GLIS1: variants seen among roughly 807,000 people sequenced by gnomAD.
GLIS1 encodes GLIS family zinc finger 1.
GLIS1 carries 24 observed loss-of-function variants against 63.8 expected under a neutral mutation model. The ratio of observed to expected loss-of-function variants is 0.38; its 90% CI spans 0.27 to 0.53. The LOEUF is 0.53. Among genes scored for constraint, GLIS1 ranks in the 20% least tolerant of loss-of-function variants. GLIS1 has a pLI of 0.85. For synonymous variants in GLIS1, 450 were observed against 482.5 expected, an observed-to-expected ratio of 0.93 and a Z score of 0.88; for missense variants, 1,036 against 1,074.1, an observed-to-expected ratio of 0.96 and a Z score of 0.50.
At chr1:53,571,304 G>A (rs1267460767) in intron 4 of GLIS1, among the ~76,000 whole-genome samples, 3 of 152,172 alleles carry the variant, frequency 2.0e-5, no homozygotes, top group East Asian at 3.8e-4. Context: ...GAGTATAAGC[G>A]GAACAACCAC....
chr1:53,581,106 A>C (rs1157233072), intron 4 of GLIS1, among the ~76,000 whole-genome samples: 1 of 152,202 alleles, frequency 6.6e-6, no homozygotes, highest in South Asian at 2.1e-4. Flanking sequence ...TTCCTGTCTG[A>C]ATCTGACATT....
intron 2 of GLIS1, among the ~76,000 whole-genome samples, chr1:53,607,180 T>C (rs1164759134): frequency 6.6e-6 from 1 of 152,362 alleles, no homozygotes; most frequent in East Asian, 1.9e-4. Flanking sequence ...GAAAGCACCA[T>C]CACAGACATG....
intron 2 of GLIS1, among the ~76,000 whole-genome samples, chr1:53,651,596 C>T (rs1645907984): frequency 6.6e-6 from 1 of 152,174 alleles, no homozygotes. Flanking sequence ...CAGCTGAGGC[C>T]AGGCACAGTG....
intron 7 of GLIS1, among the ~76,000 whole-genome samples, chr1:53,515,465 G>A (rs74086342): frequency 0.024 from 3,651 of 152,088 alleles, 129 homozygotes; most frequent in African/African-American, 0.074. Context: ...TTGCATGGGC[G>A]GTACACTGAA....
chr1:53,554,504 T>C (rs529611817), intron 4 of GLIS1, among the ~76,000 whole-genome samples: 21 of 152,316 alleles, frequency 1.4e-4, no homozygotes, highest in African/African-American at 4.8e-4. Context: ...GGAAGTGGCA[T>C]GCCTGAAGTC....
At chr1:53,688,697 C>T (rs1387245135) in intron 2 of GLIS1, 1 of 152,204 alleles carries the variant, frequency 6.6e-6, no homozygotes, top group African/African-American at 2.4e-5. Flanking sequence ...GGAAGAGGTG[C>T]TAAGGAAAAA....
intron 4 of GLIS1, among the ~76,000 whole-genome samples, chr1:53,547,746 T>G (rs916098589): frequency 6.6e-6 from 1 of 152,194 alleles, no homozygotes; most frequent in African/African-American, 2.4e-5. Context: ...TTTAACGAAT[T>G]CTATTTCCCT....
chr1:53,660,284 A>T (rs1646013095), intron 2 of GLIS1, among the ~76,000 whole-genome samples: 2 of 152,136 alleles, frequency 1.3e-5, no homozygotes, highest in South Asian at 4.1e-4. Context: ...CCCTTGCCCC[A>T]GCCATCCTCC....
At chr1:53,711,109 C>T (rs2100523901) in intron 2 of GLIS1, among the ~76,000 whole-genome samples, 1 of 152,304 alleles carries the variant, frequency 6.6e-6, no homozygotes, top group South Asian at 2.1e-4. Flanking sequence ...CCACCAGTAC[C>T]TCTATAGTCA....
At chr1:53,585,292 C>T (rs1181860334) in intron 4 of GLIS1, among the ~76,000 whole-genome samples, 1 of 151,994 alleles carries the variant, frequency 6.6e-6, no homozygotes, top group Non-Finnish European at 1.5e-5. Context: ...GTAAGTGCTA[C>T]ACATATATGA....
At chr1:53,629,821 C>A (rs1569948244) in intron 2 of GLIS1, among the ~76,000 whole-genome samples, 1 of 152,218 alleles carries the variant, frequency 6.6e-6, no homozygotes, top group African/African-American at 2.4e-5. Flanking sequence ...TCCACAAGCC[C>A]AGAGAGCCTT....
chr1:53,652,279 G>A (rs1645917238), intron 2 of GLIS1, among the ~76,000 whole-genome samples: 1 of 152,236 alleles, frequency 6.6e-6, no homozygotes, highest in African/African-American at 2.4e-5. Flanking sequence ...AGGATGTGGA[G>A]ATGAGTTGGC....
chr1:53,702,467 G>A (rs1287037008), intron 2 of GLIS1, among the ~76,000 whole-genome samples: 2 of 152,234 alleles, frequency 1.3e-5, no homozygotes, highest in South Asian at 4.1e-4. Flanking sequence ...TAGGGAAGCT[G>A]TGGCCTCCTG....
intron 2 of GLIS1, among the ~76,000 whole-genome samples, chr1:53,606,460 AG>A (rs1197913504): frequency 6.6e-6 from 1 of 152,212 alleles, no homozygotes; most frequent in African/African-American, 2.4e-5. Context: ...CAGGAGACAT[AG>A]TGCTTCCCAC....
chr1:53,633,448 A>G (rs139354870), intron 2 of GLIS1, among the ~76,000 whole-genome samples: 4 of 138,252 alleles, frequency 2.9e-5, no homozygotes, highest in Non-Finnish European at 4.8e-5. Flanking sequence ...AATGAGTGTG[A>G]CTGAGGGGTG....
chr1:53,647,409 A>G (rs1645858411), intron 2 of GLIS1, among the ~76,000 whole-genome samples: 1 of 152,200 alleles, frequency 6.6e-6, no homozygotes, highest in African/African-American at 2.4e-5. Flanking sequence ...TATTTAATTG[A>G]TTTATGGTAA....
intron 2 of GLIS1, among the ~76,000 whole-genome samples, chr1:53,658,904 G>GA (rs1645996281): frequency 6.6e-6 from 1 of 152,168 alleles, no homozygotes; most frequent in African/African-American, 2.4e-5. Context: ...GAGTGGGGAG[G>GA]TGGGGGGCAC....
intron 2 of GLIS1, among the ~76,000 whole-genome samples, chr1:53,611,009 T>C (rs1215029540): frequency 1.3e-5 from 2 of 152,214 alleles, no homozygotes; most frequent in Non-Finnish European, 2.9e-5. Context: ...ATTTTTCATT[T>C]TATTAATTTT....
chr1:53,518,272 C>A (rs1459677626), intron 7 of GLIS1, among the ~76,000 whole-genome samples: 1 of 152,238 alleles, frequency 6.6e-6, no homozygotes, highest in African/African-American at 2.4e-5. Flanking sequence ...CAGGGAGGTG[C>A]GGGCTCTGGT....
Sources: gnomAD v4.1 joint callset for allele counts (sites outside exome capture counted in the v4.1 genomes callset) on GRCh38, gnomAD v4.1.1 for gene constraint, MANE v1.5 for transcripts, NCBI Gene and HGNC (gene_info 2026-07-23, HGNC 2026-07-21) for gene names.